Variants in CSMD1 observed in about 807,000 individuals in gnomAD.
CSMD1 encodes the protein CUB and sushi domain-containing protein 1.
CSMD1 carries 213 observed loss-of-function variants against 417.5 expected under a neutral mutation model. That is an observed-to-expected ratio of 0.51 (90% CI 0.46 to 0.57). The LOEUF (loss-of-function observed/expected upper bound fraction) is 0.57, where lower values mean the gene tolerates loss of function less well. Among genes scored for constraint, CSMD1 ranks in the 20% least tolerant of loss-of-function variants. The pLI is 0.00. For synonymous variants in CSMD1, 2,862 were observed against 1,736.8 expected (o/e 1.65, Z -16.11); for missense variants, 6,923 against 4,529.7 (o/e 1.53, Z -15.17).
intron 3 of CSMD1, among the ~76,000 whole-genome samples, chr8:4,048,067 T>C (rs965483550): frequency 6.6e-6 from 1 of 152,164 alleles, no homozygotes; most frequent in African/African-American, 2.4e-5. Flanking sequence ...TTTCCAAATA[T>C]TTTGTGCATT....
intron 7 of CSMD1, among the ~76,000 whole-genome samples, chr8:3,630,575 G>A (rs1341268381): frequency 1.3e-5 from 2 of 152,228 alleles, no homozygotes; most frequent in African/African-American, 4.8e-5. Context: ...AGGAGAGGAG[G>A]ATGTTGAAGT....
At chr8:3,494,398 G>C (rs1796273422) in intron 10 of CSMD1, among the ~76,000 whole-genome samples, 1 of 152,062 alleles carries the variant, frequency 6.6e-6, no homozygotes, top group Non-Finnish European at 1.5e-5. Flanking sequence ...GCTTCCTTTG[G>C]TGGCCAATAC....
chr8:3,755,517 G>C (rs1797609173), intron 5 of CSMD1, among the ~76,000 whole-genome samples: 1 of 152,154 alleles, frequency 6.6e-6, no homozygotes, highest in South Asian at 2.1e-4. Context: ...TTGAACTGTG[G>C]TGCTGCGTGT....
chr8:4,262,290 C>T (rs563448517), intron 3 of CSMD1, among the ~76,000 whole-genome samples: 1 of 152,264 alleles, frequency 6.6e-6, no homozygotes, highest in African/African-American at 2.4e-5. Flanking sequence ...TTCTTCCTTT[C>T]TTGCTGCCAG....
Position 3,668,478 on chromosome 8 carries a change from G to T in CSMD1, c.1009+39936C>A, listed in dbSNP as rs889522505. Among the ~76,000 whole-genome samples the T allele has an allele frequency of 3.9e-4, 60 of 152,260 alleles. 1 individual carries two copies. Among genetic ancestry groups the T allele is most frequent in the Admixed American group, 2.1e-3 (32 of 15,290 alleles). The stretch of plus-strand genomic sequence containing the variant: ...GGTGGAGAGATGATAGAGTTTGGGG[G>T]ATATTACAAGGAGAACGGAGAGAGT... On this transcript the variant is annotated intron_variant, in intron 7 of 69. Transcript: ENST00000635120.
chr8:3,054,738 G>A lies in CSMD1; in HGVS notation c.7475-2091C>T, dbSNP rs1812104610. Among the ~76,000 whole-genome samples the A allele has an allele frequency of 2.0e-5, 3 of 152,120 alleles. No individual in the cohort carries two copies. In the South Asian group the frequency reaches 6.2e-4, roughly 32 times the overall value. On this transcript the variant is annotated intron_variant, in intron 49 of 69. Transcript: ENST00000635120. The stretch of plus-strand genomic sequence containing the variant: ...ACATGTGTGTAGTACATGTGTGTAT[G>A]GCATACTACAATAATCCATTTGCAG...
At chr8:4,948,908 A>G (rs1407820968) in intron 1 of CSMD1, among the ~76,000 whole-genome samples, 1 of 152,130 alleles carries the variant, frequency 6.6e-6, no homozygotes, top group Non-Finnish European at 1.5e-5. Context: ...ACATAAAAAT[A>G]ATGTTTCCTG....
At chr8:4,385,179 C>A (rs908239899) in intron 3 of CSMD1, among the ~76,000 whole-genome samples, 1 of 152,106 alleles carries the variant, frequency 6.6e-6, no homozygotes, top group East Asian at 1.9e-4. Flanking sequence ...CTCCCCGTCT[C>A]GGCGTCTTAA....
intron 3 of CSMD1, among the ~76,000 whole-genome samples, chr8:4,141,932 T>C (rs898082912): frequency 6.6e-6 from 1 of 151,136 alleles, no homozygotes; most frequent in Non-Finnish European, 1.5e-5. Flanking sequence ...TTTGCTATGC[T>C]ATCCAAAATA....
chr8:3,799,073 G>T (rs1166429361), intron 5 of CSMD1, among the ~76,000 whole-genome samples: 1 of 151,896 alleles, frequency 6.6e-6, no homozygotes, highest in Non-Finnish European at 1.5e-5. Flanking sequence ...ATTAGAACAT[G>T]AAAAACTTCC....
chr8:3,718,227 T>A (rs1347226114), intron 6 of CSMD1, among the ~76,000 whole-genome samples: 4 of 152,208 alleles, frequency 2.6e-5, no homozygotes, highest in Non-Finnish European at 5.9e-5. Flanking sequence ...TGGAAACAGT[T>A]GTTGTCTTCA....
chr8:3,895,114 A>C (rs898429036), intron 5 of CSMD1, among the ~76,000 whole-genome samples: 1 of 152,208 alleles, frequency 6.6e-6, no homozygotes, highest in African/African-American at 2.4e-5. Context: ...ATATTGATTA[A>C]ATGTGATTCA....
intron 5 of CSMD1, among the ~76,000 whole-genome samples, chr8:3,848,201 A>G (rs1223553950): frequency 2.0e-5 from 3 of 152,170 alleles, no homozygotes; most frequent in Non-Finnish European, 2.9e-5. Flanking sequence ...TGTCAGGAAC[A>G]ATCAGAAGTT....
At chr8:2,947,822 C>T (rs1225736833) in intron 68 of CSMD1, among the ~76,000 whole-genome samples, 2 of 152,114 alleles carry the variant, frequency 1.3e-5, no homozygotes, top group African/African-American at 4.8e-5. Flanking sequence ...AATAATATAA[C>T]CCAATTTAAC....
At chr8:4,953,272 G>C (rs554790536) in intron 1 of CSMD1, among the ~76,000 whole-genome samples, 6 of 152,112 alleles carry the variant, frequency 3.9e-5, no homozygotes, top group Admixed American at 2.0e-4. Context: ...TTTCTAAATA[G>C]CCTAACTAAA....
At chr8:4,318,038 A>G (rs887726181) in intron 3 of CSMD1, among the ~76,000 whole-genome samples, 6 of 152,186 alleles carry the variant, frequency 3.9e-5, no homozygotes, top group African/African-American at 1.4e-4. Context: ...TTAGCAATAT[A>G]TAAAATTGTG....
intron 1 of CSMD1, among the ~76,000 whole-genome samples, chr8:4,667,898 A>C (rs1302160171): frequency 6.6e-6 from 1 of 152,224 alleles, no homozygotes; most frequent in Non-Finnish European, 1.5e-5. Context: ...ATTGAATAGC[A>C]GTGGTTAGAG....
chr8:4,741,015 G>C (rs1810566557), intron 1 of CSMD1, among the ~76,000 whole-genome samples: 1 of 151,966 alleles, frequency 6.6e-6, no homozygotes, highest in Non-Finnish European at 1.5e-5. Flanking sequence ...TAATTTACTA[G>C]AACCGAAAGT....
chr8:4,090,496 C>G (rs7009032), intron 3 of CSMD1, among the ~76,000 whole-genome samples: 48,750 of 152,016 alleles, frequency 0.32, 9,378 homozygotes, highest in African/African-American at 0.54. Context: ...AGAAATAACT[C>G]CTACTGCTTC....
Sources: gnomAD v4.1 joint callset for allele counts (sites outside exome capture counted in the v4.1 genomes callset) on GRCh38, gnomAD v4.1.1 for gene constraint, MANE v1.5 for transcripts, NCBI Gene and HGNC (gene_info 2026-07-23, HGNC 2026-07-21) for gene names.